Variants in LRRTM4 observed in about 807,000 individuals in gnomAD.
LRRTM4 encodes leucine-rich repeat transmembrane neuronal protein 4.
A neutral mutation model predicts 47.6 loss-of-function variants in LRRTM4; 25 were observed. The ratio of observed to expected loss-of-function variants is 0.53; its 90% CI spans 0.38 to 0.73. The LOEUF (loss-of-function observed/expected upper bound fraction) is 0.73, where lower values mean the gene tolerates loss of function less well. Ranked by LOEUF, LRRTM4 falls within the 30% of genes least tolerant of loss-of-function variation. The probability of loss-of-function intolerance (pLI) is 0.00; values close to 1 mark genes in which losing one functional copy is unlikely to be tolerated. For synonymous variants in LRRTM4, 311 were observed against 269.5 expected (o/e 1.15, Z -1.51); for missense variants, 638 against 713.4 (o/e 0.89, Z 1.20).
At chr2:76,889,349 CT>C (rs1673178040) in intron 3 of LRRTM4, among the ~76,000 whole-genome samples, 1 of 151,938 alleles carries the variant, frequency 6.6e-6, no homozygotes, top group South Asian at 2.1e-4. Flanking sequence ...TTTATACAGA[CT>C]TCAAAATATT....
rs553948300 is a variant in LRRTM4, at chr2:77,023,131, C to T, written c.1552-274215G>A. Reference sequence around the variant, plus strand: ...CAGGCTCAACACCATGTGGAAGCTGCCAGGGCTTGGGGTTTGCACCCTTTG... The same window carrying T: ...CAGGCTCAACACCATGTGGAAGCTGTCAGGGCTTGGGGTTTGCACCCTTTG... On this transcript the variant is annotated intron_variant, in intron 3 of 3. Transcript: ENST00000409884. Among the ~76,000 whole-genome samples the T allele has an allele frequency of 2.0e-4, 31 of 152,352 alleles. No individual in the cohort carries two copies. In the South Asian group the frequency reaches 6.4e-3, roughly 32 times the overall value.
chr2:76,801,178 C>G (rs530805678), intron 3 of LRRTM4, among the ~76,000 whole-genome samples: 1 of 152,016 alleles, frequency 6.6e-6, no homozygotes, highest in Non-Finnish European at 1.5e-5. Flanking sequence ...TACCCAAATG[C>G]CTATAAATCA....
chr2:77,194,927 A>C (rs2103886676), intron 3 of LRRTM4, among the ~76,000 whole-genome samples: 1 of 152,184 alleles, frequency 6.6e-6, no homozygotes, highest in Admixed American at 6.6e-5. Flanking sequence ...AAAACAAGGA[A>C]ATTTATTTTG....
chr2:76,859,710 T>G (rs1672257055), intron 3 of LRRTM4, among the ~76,000 whole-genome samples: 1 of 152,168 alleles, frequency 6.6e-6, no homozygotes, highest in Admixed American at 6.6e-5. Flanking sequence ...AAATTTTACT[T>G]GAAGTTTCCT....
Position 77,069,192 on chromosome 2 carries a change from T to G in LRRTM4, c.1552-320276A>C, listed in dbSNP as rs147166265. ...TATATTTCTGTGTGTGTGTCTTTAA[T>G]TTCTCTAGCGCCACTGGGTTAGGGT... On this transcript the variant is annotated intron_variant, in intron 3 of 3. Coordinates refer to ENST00000409884, the MANE Select transcript of LRRTM4 (RefSeq NM_001134745.3). Among the ~76,000 whole-genome samples the G allele has an allele frequency of 2.6e-3, 402 of 152,262 alleles. 6 individuals are homozygous for G. Among genetic ancestry groups the G allele is most frequent in the African/African-American group, 8.4e-3 (348 of 41,564 alleles).
chr2:77,103,569 A>C (rs948283778), intron 3 of LRRTM4, among the ~76,000 whole-genome samples: 2 of 151,580 alleles, frequency 1.3e-5, no homozygotes, highest in African/African-American at 4.8e-5. Context: ...ATAAATTTGC[A>C]ATGTGAAAAG....
At chr2:76,939,524 TGATACATTTATATCATGGAAGATAAAACA>T (rs1379233317) in intron 3 of LRRTM4, among the ~76,000 whole-genome samples, 1 of 151,998 alleles carries the variant, frequency 6.6e-6, no homozygotes, top group Non-Finnish European at 1.5e-5. Flanking sequence ...TCCCGTGCAG[TGATACATTTATATCATGGAAGATAAAACA>T]GATTTTTAGT....
At chr2:77,018,449 T>C (rs910459804) in intron 3 of LRRTM4, among the ~76,000 whole-genome samples, 2 of 152,076 alleles carry the variant, frequency 1.3e-5, no homozygotes, top group Non-Finnish European at 2.9e-5. Context: ...CATATCTGTG[T>C]CTGGATAACC....
intron 3 of LRRTM4, among the ~76,000 whole-genome samples, chr2:76,982,395 A>G (rs895541729): frequency 2.6e-5 from 4 of 152,118 alleles, no homozygotes; most frequent in African/African-American, 9.6e-5. Context: ...TTGGGCAATC[A>G]GGCTCTTTCT....
chr2:77,472,658 T>C (rs1677235143), intron 3 of LRRTM4, among the ~76,000 whole-genome samples: 1 of 152,136 alleles, frequency 6.6e-6, no homozygotes, highest in African/African-American at 2.4e-5. Context: ...AAAAATTCAA[T>C]GTTGTAGGGG....
intron 3 of LRRTM4, among the ~76,000 whole-genome samples, chr2:77,058,072 C>A (rs1458219613): frequency 6.6e-6 from 1 of 152,104 alleles, no homozygotes; most frequent in Non-Finnish European, 1.5e-5. Context: ...GTCAATCCCA[C>A]CTTATGGGAA....
intron 3 of LRRTM4, among the ~76,000 whole-genome samples, chr2:77,018,683 A>G (rs762572700): frequency 3.3e-5 from 5 of 152,204 alleles, no homozygotes; most frequent in Non-Finnish European, 5.9e-5. Flanking sequence ...ATAGTTCAGA[A>G]GTACAGCTGA....
chr2:77,362,123 A>AAGAG (rs1320237996), intron 3 of LRRTM4, among the ~76,000 whole-genome samples: 27 of 115,400 alleles, frequency 2.3e-4, no homozygotes, highest in African/African-American at 7.7e-4. Context: ...GAGAGAAAGA[A>AAGAG]AGAAAGAAAG....
intron 3 of LRRTM4, among the ~76,000 whole-genome samples, chr2:77,145,871 T>A (rs973686770): frequency 6.6e-5 from 10 of 152,232 alleles, no homozygotes; most frequent in Admixed American, 2.6e-4. Context: ...AGAGCTTTTT[T>A]AAAAATATAT....
intron 3 of LRRTM4, among the ~76,000 whole-genome samples, chr2:77,409,749 AC>A (rs1288397481): frequency 6.6e-6 from 1 of 152,138 alleles, no homozygotes; most frequent in Non-Finnish European, 1.5e-5. Flanking sequence ...TTTTAGTTTT[AC>A]TGGCCTTAAG....
At chr2:76,905,131 G>A (rs6720827) in intron 3 of LRRTM4, among the ~76,000 whole-genome samples, 1,751 of 152,148 alleles carry the variant, frequency 0.012, 45 homozygotes, top group African/African-American at 0.04. Context: ...TCACATGGCC[G>A]GGTACTCCTC....
At chr2:77,462,733 T>A (rs1676837419) in intron 3 of LRRTM4, among the ~76,000 whole-genome samples, 1 of 152,056 alleles carries the variant, frequency 6.6e-6, no homozygotes, top group Non-Finnish European at 1.5e-5. Context: ...GGAAACAAAG[T>A]AGGTCTTGCA....
chr2:77,108,677 G>A (rs376235677), intron 3 of LRRTM4, among the ~76,000 whole-genome samples: 21 of 149,530 alleles, frequency 1.4e-4, no homozygotes, highest in African/African-American at 3.2e-4. Flanking sequence ...TCCGCCTCCC[G>A]GGTTCACGCC....
At chr2:77,021,110 G>GTACC (rs1553445897) in intron 3 of LRRTM4, among the ~76,000 whole-genome samples, 3 of 150,920 alleles carry the variant, frequency 2.0e-5, no homozygotes, top group African/African-American at 7.3e-5. Flanking sequence ...ATCTATCTAT[G>GTACC]TATCTATCTA....
Sources: gnomAD v4.1 joint callset for allele counts (sites outside exome capture counted in the v4.1 genomes callset) on GRCh38, gnomAD v4.1.1 for gene constraint, MANE v1.5 for transcripts, NCBI Gene and HGNC (gene_info 2026-07-23, HGNC 2026-07-21) for gene names.